STX8: variants seen among roughly 807,000 people sequenced by gnomAD.
The protein encoded by STX8 is syntaxin 8, also known as syntaxin-8.
Under a neutral mutation model 37.5 loss-of-function variants are expected in STX8, and 23 were observed. The observed-to-expected ratio is 0.61, with a 90% confidence interval of 0.44 to 0.87. The LOEUF (loss-of-function observed/expected upper bound fraction) is 0.87. Ranked by LOEUF, STX8 falls within the 40% of genes least tolerant of loss-of-function variation. The probability of loss-of-function intolerance (pLI) is 0.00; values close to 1 mark genes in which losing one functional copy is unlikely to be tolerated. For missense variants in STX8, 313 were observed against 284.7 expected, an observed-to-expected ratio of 1.10 and a Z score of -0.71; for synonymous variants, 115 against 99.1, an observed-to-expected ratio of 1.16 and a Z score of -0.95.
Position 9,272,128 on chromosome 17 carries a change from G to A in STX8, c.644-21483C>T, listed in dbSNP as rs533117704. ...AGCCTCATTTCCTCTTGACAAAGAC[G>A]GTTCTGTTCTGAGGGGGTGTGTGGG... On this transcript the variant is annotated intron_variant, in intron 7 of 7. Transcript: ENST00000306357. Among the ~76,000 whole-genome samples the A allele has an allele frequency of 1.8e-4, 28 of 152,312 alleles. 1 individual carries two copies. The South Asian group carries it at 2.5e-3, about 14-fold the overall frequency.
rs142261711 is a variant in STX8 at position 9,542,039 on chromosome 17, T to G, written c.323+3133A>C. On this transcript the variant is annotated intron_variant, in intron 4 of 7. Coordinates refer to ENST00000306357, the MANE Select transcript of STX8 (RefSeq NM_004853.3). ...TTTTTTCCATTCTCTCTTGGGTGAT[T>G]CTGATGCAAAGTGCCACGATTAAGA... Among the ~76,000 whole-genome samples, 288 of 151,986 alleles carry G rather than the reference T, an allele frequency of 1.9e-3. 8 individuals carry two copies. The East Asian group carries it at 0.04, about 21-fold the overall frequency.
chr17:9,391,718 GAGAA>G (rs1053836790), intron 6 of STX8, among the ~76,000 whole-genome samples: 1 of 147,260 alleles, frequency 6.8e-6, no homozygotes, highest in African/African-American at 2.5e-5. Flanking sequence ...AAAAGAGAGA[GAGAA>G]AAAAAAAAAG....
chr17:9,536,904 C>T (rs1019413809), intron 4 of STX8, among the ~76,000 whole-genome samples: 4 of 152,024 alleles, frequency 2.6e-5, no homozygotes, highest in East Asian at 1.9e-4. Flanking sequence ...CCACCATGCC[C>T]GGCTAATTTT....
At chr17:9,508,227 A>T (rs1159555966) in intron 4 of STX8, among the ~76,000 whole-genome samples, 1 of 152,234 alleles carries the variant, frequency 6.6e-6, no homozygotes, top group Non-Finnish European at 1.5e-5. Flanking sequence ...TAAATACCAT[A>T]AAAAAGAACA....
chr17:9,526,214 G>GAGGTC (rs1319725682), intron 4 of STX8, among the ~76,000 whole-genome samples: 1 of 152,202 alleles, frequency 6.6e-6, no homozygotes, highest in African/African-American at 2.4e-5. Context: ...AAGGATGAGA[G>GAGGTC]GACCTGGGTT....
At chr17:9,409,472 G>A (rs1597653802) in intron 6 of STX8, among the ~76,000 whole-genome samples, 3 of 152,034 alleles carry the variant, frequency 2.0e-5, no homozygotes, top group South Asian at 2.1e-4. Context: ...CTTTATAGCC[G>A]CCTATTTTAT....
chr17:9,480,790 G>T (rs539536435), intron 6 of STX8, among the ~76,000 whole-genome samples: 1 of 152,214 alleles, frequency 6.6e-6, no homozygotes, highest in Non-Finnish European at 1.5e-5. Context: ...ACACAGCCAC[G>T]TAGAGAAAAC....
intron 6 of STX8, among the ~76,000 whole-genome samples, chr17:9,422,939 CACAT>C (rs1913496062): frequency 1.3e-5 from 2 of 152,246 alleles, no homozygotes; most frequent in South Asian, 4.1e-4. Context: ...TTACAGCAAA[CACAT>C]ACTACGTAAT....
chr17:9,431,394 G>C (rs1026684189), intron 6 of STX8, among the ~76,000 whole-genome samples: 1 of 149,204 alleles, frequency 6.7e-6, no homozygotes, highest in African/African-American at 2.5e-5. Flanking sequence ...AATAAATTAT[G>C]AGTTGCTGAG....
Position 9,554,314 on chromosome 17 carries a change from T to C in STX8, c.212+3120A>G, listed in dbSNP as rs187057152. On this transcript the variant is annotated intron_variant, in intron 3 of 7. Coordinates refer to ENST00000306357, the MANE Select transcript of STX8 (RefSeq NM_004853.3). ...AAACAAACCAACAAACCTCCTCTGC[T>C]GGAATTCCGGGTTATCTCTCCAACT... 89 of 152,864 alleles carry C rather than the reference T, an allele frequency of 5.8e-4. 2 individuals are homozygous for C. The highest frequency in any genetic ancestry group is 2.5e-3 in the South Asian group (12 of 4,844). 9.5% of individuals were successfully genotyped at this position (152,864 alleles called of 1,614,324 possible). A position where few individuals can be genotyped will look rare whatever the true frequency, so the allele number is the denominator to read the frequency against.
At chr17:9,278,237 C>T (rs1004883527) in intron 7 of STX8, among the ~76,000 whole-genome samples, 7 of 152,132 alleles carry the variant, frequency 4.6e-5, no homozygotes, top group Middle Eastern at 3.2e-3. Flanking sequence ...CACCTGAGGT[C>T]GCGAGTTTGA....
chr17:9,494,112 T>C (rs1454273000), intron 5 of STX8, among the ~76,000 whole-genome samples: 1 of 151,294 alleles, frequency 6.6e-6, no homozygotes. Flanking sequence ...ACCTCCCGGG[T>C]TCACGCCATT....
At chr17:9,420,710 G>C (rs1162782827) in intron 6 of STX8, among the ~76,000 whole-genome samples, 1 of 152,108 alleles carries the variant, frequency 6.6e-6, no homozygotes, top group Non-Finnish European at 1.5e-5. Context: ...CTACAACTGA[G>C]CTTGAGGCGC....
chr17:9,573,080 A>ACCCCCCCCCCC (rs71135994), intron 1 of STX8, among the ~76,000 whole-genome samples: 27 of 101,574 alleles, frequency 2.7e-4, no homozygotes, highest in African/African-American at 3.4e-4. Flanking sequence ...CACCCCCAAC[A>ACCCCCCCCCCC]CCCCCCCCCA....
At chr17:9,264,607 A>AT (rs1393955067) in intron 7 of STX8, among the ~76,000 whole-genome samples, 1 of 151,992 alleles carries the variant, frequency 6.6e-6, no homozygotes, top group East Asian at 1.9e-4. Flanking sequence ...ACCCAGCCTG[A>AT]TTTTTTAAAC....
intron 6 of STX8, among the ~76,000 whole-genome samples, chr17:9,406,761 G>A (rs565878425): frequency 2.0e-5 from 3 of 152,238 alleles, no homozygotes; most frequent in Non-Finnish European, 4.4e-5. Flanking sequence ...ATTCATCTGA[G>A]AGTTTTTTCA....
At chr17:9,253,598 C>G (rs1216130423) in intron 7 of STX8, among the ~76,000 whole-genome samples, 1 of 152,022 alleles carries the variant, frequency 6.6e-6, no homozygotes, top group Non-Finnish European at 1.5e-5. Context: ...GGCCTGGGCT[C>G]ACCCTAAGAT....
At chr17:9,371,971 T>C (rs1478404997) in intron 7 of STX8, among the ~76,000 whole-genome samples, 11 of 152,208 alleles carry the variant, frequency 7.2e-5, no homozygotes, top group Admixed American at 6.5e-4. Context: ...TAGAATATAT[T>C]TGACTATGTG....
intron 7 of STX8, among the ~76,000 whole-genome samples, chr17:9,306,610 A>C: frequency 6.7e-6 from 1 of 149,792 alleles, no homozygotes; most frequent in Non-Finnish European, 1.5e-5. Context: ...AAAAAAAAAA[A>C]AAAAAATAGC....
Sources: gnomAD v4.1 joint callset for allele counts (sites outside exome capture counted in the v4.1 genomes callset) on GRCh38, gnomAD v4.1.1 for gene constraint, MANE v1.5 for transcripts, NCBI Gene and HGNC (gene_info 2026-07-23, HGNC 2026-07-21) for gene names.